Variants in HDAC9 observed in about 807,000 individuals in gnomAD.
HDAC9 encodes MEF-2 interacting transcription repressor (MITR) protein.
A neutral mutation model predicts 139.4 loss-of-function variants in HDAC9; 41 were observed. The ratio of observed to expected loss-of-function variants is 0.29; its 90% confidence interval spans 0.23 to 0.38. The LOEUF (loss-of-function observed/expected upper bound fraction) is 0.38. Ranked by LOEUF, HDAC9 falls within the 10% of genes least tolerant of loss-of-function variation. The pLI, the probability that HDAC9 is intolerant of heterozygous loss-of-function variation, is 1.00. For missense variants in HDAC9, 1,147 were observed against 1,297.0 expected (o/e 0.88, Z 1.78); for synonymous variants, 517 against 476.2 (o/e 1.09, Z -1.12).
intron 12 of HDAC9, among the ~76,000 whole-genome samples, chr7:18,683,597 T>G (rs915894053): frequency 6.6e-6 from 1 of 152,150 alleles, no homozygotes; most frequent in Admixed American, 6.6e-5. Flanking sequence ...CAGCTTCCGC[T>G]GATAATTGTA....
intron 2 of HDAC9, among the ~76,000 whole-genome samples, chr7:18,569,241 G>T (rs1216840443): frequency 6.6e-6 from 1 of 152,058 alleles, no homozygotes; most frequent in Non-Finnish European, 1.5e-5. Context: ...GAGAGTGGCT[G>T]TGTTCCAATT....
In HDAC9 at chr7:18,479,179, A is replaced by G. The variant is rs141999634; in HGVS notation, c.-41-17083A>G. On this transcript the variant is annotated intron_variant, in intron 1 of 3. Coordinates refer to the HDAC9 transcript ENST00000413509. ...GTTCTTTTATGTCTCATTTAAATCAATTCTTTACCTGAGAATTTAAATGTA... is the reference window on the plus strand; with the variant it reads ...GTTCTTTTATGTCTCATTTAAATCAGTTCTTTACCTGAGAATTTAAATGTA... 7.5e-4 allele frequency among the ~76,000 whole-genome samples: 114 copies of G among 152,206 alleles called. 1 individual carries two copies. In the South Asian group the frequency reaches 0.016, roughly 21 times the overall value.
chr7:18,952,689 A>G, intron 23 of HDAC9, among the ~76,000 whole-genome samples: 1 of 151,762 alleles, frequency 6.6e-6, no homozygotes, highest in East Asian at 1.9e-4. Flanking sequence ...CTCTGAGTTA[A>G]GAGAGTGTTA....
rs184061877 is a variant in HDAC9 at position 18,648,871 on chromosome 7, A to G, written c.1467+188A>G. Among the ~76,000 whole-genome samples the G allele has an allele frequency of 1.5e-3, 230 of 152,304 alleles. 1 individual carries two copies. The highest frequency in any genetic ancestry group is 5.3e-3 in the African/African-American group (221 of 41,578). ...CAGTGTTTTAACCACCATTATGTTCATAAGACATTTGTAGCAAAATTGAGA... is the reference window on the plus strand; with the variant it reads ...CAGTGTTTTAACCACCATTATGTTCGTAAGACATTTGTAGCAAAATTGAGA... On this transcript the variant is annotated intron_variant, in intron 11 of 25. Coordinates refer to ENST00000686413, the MANE Select transcript of HDAC9 (RefSeq NM_178425.4).
intron 2 of HDAC9, among the ~76,000 whole-genome samples, chr7:18,234,456 ATC>A (rs1793681167): frequency 6.6e-6 from 1 of 152,210 alleles, no homozygotes. Flanking sequence ...CTTTTATTCC[ATC>A]TACTCATTTA....
intron 1 of HDAC9, among the ~76,000 whole-genome samples, chr7:18,443,704 G>T (rs1455758265): frequency 6.6e-6 from 1 of 151,888 alleles, no homozygotes; most frequent in East Asian, 1.9e-4. Flanking sequence ...TTGTAAAATA[G>T]AATTCAAGAT....
At chr7:18,231,027 A>G (rs1584753356) in intron 2 of HDAC9, among the ~76,000 whole-genome samples, 1 of 152,332 alleles carries the variant, frequency 6.6e-6, no homozygotes. Flanking sequence ...GGGCTAGTTT[A>G]TAATTGGGAA....
At chr7:18,125,006 G>A (rs550653240) in intron 1 of HDAC9, among the ~76,000 whole-genome samples, 13 of 151,956 alleles carry the variant, frequency 8.6e-5, no homozygotes, top group Admixed American at 6.6e-4. Flanking sequence ...TGTAGAGAAA[G>A]ATAAAAGAAC....
intron 1 of HDAC9, among the ~76,000 whole-genome samples, chr7:18,393,771 A>C (rs2128726146): frequency 6.6e-6 from 1 of 151,996 alleles, no homozygotes; most frequent in East Asian, 1.9e-4. Context: ...GTTTTGTTTT[A>C]TTTGTTTTGA....
chr7:18,111,338 C>T (rs144976529), intron 1 of HDAC9, among the ~76,000 whole-genome samples: 1 of 152,214 alleles, frequency 6.6e-6, no homozygotes, highest in South Asian at 2.1e-4. Context: ...AGTGAGATTG[C>T]CCAGACTAGG....
intron 1 of HDAC9, among the ~76,000 whole-genome samples, chr7:18,321,863 A>C (rs1409913743): frequency 6.6e-6 from 1 of 152,132 alleles, no homozygotes; most frequent in Admixed American, 6.6e-5. Flanking sequence ...TGAATATTTC[A>C]TTTAGAATTT....
At position 18,452,374 on chromosome 7, in the gene HDAC9, A is replaced by G. The variant is rs141596885; in HGVS notation, c.-41-43888A>G. Among the ~76,000 whole-genome samples, 7 of 152,260 alleles carry G rather than the reference A, an allele frequency of 4.6e-5. No homozygotes were observed. In the East Asian group the frequency reaches 1.4e-3, roughly 29 times the overall value. On this transcript the variant is annotated intron_variant, in intron 1 of 3. Transcript: ENST00000413509. Reference sequence around the variant, plus strand: ...CTGAGGAAACAAGCAGAAATATCAGAAGTGAGCCTTGGAAGTTGAGGCTCA... The same window carrying G: ...CTGAGGAAACAAGCAGAAATATCAGGAGTGAGCCTTGGAAGTTGAGGCTCA...
intron 22 of HDAC9, among the ~76,000 whole-genome samples, chr7:18,905,769 C>T (rs915389073): frequency 4.6e-5 from 7 of 152,176 alleles, no homozygotes; most frequent in African/African-American, 1.4e-4. Context: ...TAAACTACAA[C>T]CTCTTAACAT....
intron 2 of HDAC9, among the ~76,000 whole-genome samples, chr7:18,209,251 A>G (rs1162655413): frequency 1.3e-5 from 2 of 152,140 alleles, no homozygotes; most frequent in African/African-American, 2.4e-5. Flanking sequence ...TTCATACCTT[A>G]TCACATATTA....
At chr7:18,718,813 G>A (rs994944594) in intron 12 of HDAC9, among the ~76,000 whole-genome samples, 1 of 152,064 alleles carries the variant, frequency 6.6e-6, no homozygotes, top group Non-Finnish European at 1.5e-5. Flanking sequence ...TGGGTCATAG[G>A]GTAACTTTAT....
At chr7:18,280,575 G>A (rs1253472114) in intron 2 of HDAC9, among the ~76,000 whole-genome samples, 1 of 141,268 alleles carries the variant, frequency 7.1e-6, no homozygotes, top group Admixed American at 7.3e-5. Context: ...GTGACAGAGC[G>A]AGACTCTGTC....
At chr7:18,794,986 C>T (rs1792654717) in intron 17 of HDAC9, among the ~76,000 whole-genome samples, 1 of 152,060 alleles carries the variant, frequency 6.6e-6, no homozygotes, top group Admixed American at 6.6e-5. Context: ...GTGTTTCAGT[C>T]ATCAGAAGCA....
At chr7:18,128,011 A>G (rs1337486155) in intron 1 of HDAC9, among the ~76,000 whole-genome samples, 1 of 152,146 alleles carries the variant, frequency 6.6e-6, no homozygotes, top group African/African-American at 2.4e-5. Context: ...CACTTTTACA[A>G]TACAATTTTT....
At chr7:18,944,793 A>G (rs1421453461) in intron 23 of HDAC9, among the ~76,000 whole-genome samples, 2 of 152,274 alleles carry the variant, frequency 1.3e-5, no homozygotes, top group South Asian at 4.1e-4. Flanking sequence ...ATATCCATGA[A>G]ATCATACAAT....
Sources: allele counts gnomAD v4.1 joint callset (sites outside exome capture counted in the v4.1 genomes callset), GRCh38; gene constraint gnomAD v4.1.1; transcripts MANE v1.5; gene names NCBI Gene and HGNC (gene_info 2026-07-23, HGNC 2026-07-21).